The following PXDNL variants were observed in gnomAD, a reference collection of about 807,000 sequenced individuals.
PXDNL encodes probable oxidoreductase PXDNL.
Under a neutral mutation model 150.8 loss-of-function variants are expected in PXDNL, and 145 were observed. The observed-to-expected ratio is 0.96, with a 90% confidence interval of 0.84 to 1.10. PXDNL has a LOEUF of 1.10. Among genes scored for constraint, PXDNL ranks in the 50% least tolerant of loss-of-function variants. PXDNL has a pLI of 0.00. For missense variants in PXDNL, 2,087 were observed against 1,873.9 expected (o/e 1.11, Z -2.10); for synonymous variants, 757 against 725.7 (o/e 1.04, Z -0.69).
At chr8:51,600,887 T>G (rs558411816) in intron 2 of PXDNL, among the ~76,000 whole-genome samples, 49 of 141,924 alleles carry the variant, frequency 3.5e-4, no homozygotes, top group African/African-American at 1.3e-3. Context: ...ACATCTTATA[T>G]AAATTATATA....
chr8:51,521,682 A>G lies in PXDNL; in HGVS notation c.381-21912T>C, dbSNP rs1295213722. On this transcript the variant is annotated intron_variant, in intron 4 of 22. Transcript: ENST00000356297. Reference sequence around the variant, plus strand: ...GAAACACCAAGCAAGATAAATACCAAAAACTGCATCTATGCATGACATATT... The same window carrying G: ...GAAACACCAAGCAAGATAAATACCAGAAACTGCATCTATGCATGACATATT... Among the ~76,000 whole-genome samples, 3 of 152,168 alleles carry G rather than the reference A, an allele frequency of 2.0e-5. No homozygotes were observed. In the East Asian group the frequency reaches 5.8e-4, roughly 29 times the overall value.
intron 9 of PXDNL, among the ~76,000 whole-genome samples, chr8:51,457,122 G>A (rs1444446969): frequency 6.6e-6 from 1 of 152,212 alleles, no homozygotes; most frequent in Non-Finnish European, 1.5e-5. Flanking sequence ...TCAACAGCTA[G>A]CTCAGTGGGC....
At chr8:51,579,083 C>T (rs73588759) in intron 3 of PXDNL, among the ~76,000 whole-genome samples, 7,775 of 151,968 alleles carry the variant, frequency 0.051, 469 homozygotes, top group African/African-American at 0.15. Context: ...AAAGGTGTAA[C>T]CCATAGAAAA....
chr8:51,592,678 A>T lies in PXDNL; in HGVS notation c.257T>A (p.Ile86Asn). ...AAAAGCATTTCTGGAAATCTTTCTGATGTGGTTGTTGTTCAGCAGACTGAA... is the reference window on the plus strand; with the variant it reads ...AAAAGCATTTCTGGAAATCTTTCTGTTGTGGTTGTTGTTCAGCAGACTGAA... ...LNTLLLNNNH[I>N]RKISRNAFEG... Residue 86 changes from isoleucine to asparagine, a missense_variant, in exon 3 of 23, where the codon ATC becomes AAC. Physicochemically the swap from Ile to Asn is moderately radical, Grantham distance 149. Coordinates refer to ENST00000356297, the MANE Select transcript of PXDNL (RefSeq NM_144651.5). 6.5e-7 allele frequency: 1 copy of T among 1,548,276 alleles called. No individual in the cohort carries two copies.
chr8:51,374,453 G>T (rs911074319), intron 18 of PXDNL, 144 bp downstream of exon 18: 2 of 698,786 alleles, frequency 2.9e-6, no homozygotes, highest in African/African-American at 3.6e-5. Context: ...GGTTACAAAA[G>T]TTCTGTCACC....
chr8:51,510,571 T>G (rs1178572970), intron 4 of PXDNL, among the ~76,000 whole-genome samples: 1 of 152,174 alleles, frequency 6.6e-6, no homozygotes, highest in Non-Finnish European at 1.5e-5. Flanking sequence ...ATAGGCCACA[T>G]GCAGAGGGAC....
chr8:51,404,121 G>C (rs1808361977), intron 17 of PXDNL, among the ~76,000 whole-genome samples: 1 of 152,206 alleles, frequency 6.6e-6, no homozygotes, highest in Non-Finnish European at 1.5e-5. Flanking sequence ...GAATGAAGCT[G>C]CATACCCTTG....
At chr8:51,582,484 T>C (rs1813229975) in intron 3 of PXDNL, among the ~76,000 whole-genome samples, 1 of 152,198 alleles carries the variant, frequency 6.6e-6, no homozygotes, top group Admixed American at 6.5e-5. Context: ...AGGTAAATTT[T>C]ATTTAAAAAG....
intron 1 of PXDNL, among the ~76,000 whole-genome samples, chr8:51,771,720 GAGAC>G (rs1018179994): frequency 2.0e-5 from 3 of 152,122 alleles, no homozygotes; most frequent in East Asian, 1.9e-4. Flanking sequence ...AACAGAAAGA[GAGAC>G]AGACAGAAAG....
chr8:51,552,673 G>A (rs78134759), intron 4 of PXDNL, among the ~76,000 whole-genome samples: 3,977 of 152,198 alleles, frequency 0.026, 95 homozygotes, highest in African/African-American at 0.061. Context: ...CCAGGTATTC[G>A]GAGTAAGGAT....
intron 4 of PXDNL, among the ~76,000 whole-genome samples, chr8:51,553,740 TTATATATATATATATATA>T (rs747698313): frequency 8.9e-5 from 10 of 112,922 alleles, no homozygotes; most frequent in African/African-American, 1.2e-4. Context: ...GTGAGGGATT[TTATATATATATATATATA>T]TATATATATA....
chr8:51,788,431 G>A (rs959767985), intron 1 of PXDNL, among the ~76,000 whole-genome samples: 6 of 152,208 alleles, frequency 3.9e-5, no homozygotes, highest in African/African-American at 1.4e-4. Context: ...GAAAGCCTTT[G>A]GAGTGGAAGA....
intron 1 of PXDNL, among the ~76,000 whole-genome samples, chr8:51,717,015 T>C (rs1034518716): frequency 3.9e-5 from 6 of 152,212 alleles, no homozygotes; most frequent in South Asian, 2.1e-4. Context: ...ATTTGCACCA[T>C]ACAAGACCAG....
chr8:51,698,834 A>G (rs10106091), intron 1 of PXDNL, among the ~76,000 whole-genome samples: 104,839 of 152,122 alleles, frequency 0.69, 37,124 homozygotes, highest in East Asian at 0.82. Flanking sequence ...CAAATATTGT[A>G]TTAGCAAGCA....
At chr8:51,509,065 C>G (rs755851546) in intron 4 of PXDNL, among the ~76,000 whole-genome samples, 1 of 152,250 alleles carries the variant, frequency 6.6e-6, no homozygotes, top group South Asian at 2.1e-4. Flanking sequence ...ACTGGTCCCC[C>G]ACCCTTGCCA....
intron 1 of PXDNL, among the ~76,000 whole-genome samples, chr8:51,675,669 T>G (rs1815600317): frequency 6.6e-6 from 1 of 151,328 alleles, no homozygotes; most frequent in African/African-American, 2.4e-5. Flanking sequence ...GACATGTGCC[T>G]GTAGTCCCAG....
chr8:51,796,737 C>T (rs183147015), intron 1 of PXDNL, among the ~76,000 whole-genome samples: 4 of 152,224 alleles, frequency 2.6e-5, no homozygotes, highest in Non-Finnish European at 4.4e-5. Flanking sequence ...CTGAATTCTA[C>T]CAGAGGTACA....
intron 1 of PXDNL, among the ~76,000 whole-genome samples, chr8:51,793,717 C>T (rs1166908113): frequency 2.0e-5 from 3 of 151,902 alleles, no homozygotes; most frequent in Admixed American, 1.3e-4. Context: ...AGTGAAACAC[C>T]GTCTGTACTA....
At chr8:51,772,342 G>A (rs2037308030) in intron 1 of PXDNL, among the ~76,000 whole-genome samples, 1 of 151,878 alleles carries the variant, frequency 6.6e-6, no homozygotes, top group Non-Finnish European at 1.5e-5. Flanking sequence ...GTGCTTTCTG[G>A]GGAAATCGTG....
Sources: gnomAD v4.1 joint callset for allele counts (sites outside exome capture counted in the v4.1 genomes callset) on GRCh38, gnomAD v4.1.1 for gene constraint, MANE v1.5 for transcripts, NCBI Gene and HGNC (gene_info 2026-07-23, HGNC 2026-07-21) for gene names.